Variants in LARP4B observed in about 807,000 individuals in gnomAD.
The protein encoded by LARP4B is la-related protein 4B.
Under a neutral mutation model 89.8 loss-of-function variants are expected in LARP4B, and 12 were observed. The ratio of observed to expected loss-of-function variants is 0.13; its 90% CI spans 0.09 to 0.22. LARP4B has a LOEUF of 0.22. Ranked by LOEUF, LARP4B falls within the 10% of genes least tolerant of loss-of-function variation. The pLI is 1.00. For synonymous variants in LARP4B, 367 were observed against 363.3 expected (o/e 1.01, Z -0.12); for missense variants, 757 against 947.7 (o/e 0.80, Z 2.64).
At chr10:911,075 G>A (rs1411616639) in intron 1 of LARP4B, among the ~76,000 whole-genome samples, 2 of 152,340 alleles carry the variant, frequency 1.3e-5, no homozygotes, top group East Asian at 3.9e-4. Context: ...GGATGTGTGT[G>A]CACTTAGGGG....
the LARP4B span, among the ~76,000 whole-genome samples, chr10:954,036 C>A: frequency 1.3e-5 from 2 of 152,212 alleles, no homozygotes; most frequent in Non-Finnish European, 2.9e-5. The surrounding 1 kb of genome is among the most constrained non-coding windows in gnomAD (Gnocchi z 5.0). Context: ...ATCCTGGAGT[C>A]CTGTCTGTGT....
upstream of LARP4B, among the ~76,000 whole-genome samples, chr10:934,453 G>T (rs543964411): frequency 6.6e-6 from 1 of 152,048 alleles, no homozygotes; most frequent in Non-Finnish European, 1.5e-5. Flanking sequence ...TTGTGCCACC[G>T]CATTCCAGCC....
chr10:899,870 CTTAA>C (rs1338571014), intron 1 of LARP4B, among the ~76,000 whole-genome samples: 1 of 151,936 alleles, frequency 6.6e-6, no homozygotes, highest in Non-Finnish European at 1.5e-5. Flanking sequence ...TAGAGATTGC[CTTAA>C]TTAAGTACTA....
the LARP4B span, among the ~76,000 whole-genome samples, chr10:955,130 T>G: frequency 1.3e-5 from 2 of 151,710 alleles, no homozygotes; most frequent in Admixed American, 1.3e-4. This position sits in a 1 kb window ranked among gnomAD's most constrained non-coding sequence, Gnocchi z 5.2. Flanking sequence ...ACAGCTCCCA[T>G]CCCACAGCCA....
chr10:836,603 C>G, intron 7 of LARP4B, 97 bp from the exon 8 acceptor site: 1 of 747,136 alleles, frequency 1.3e-6, no homozygotes, highest in Non-Finnish European at 2.2e-6. Flanking sequence ...ACTAAATAAG[C>G]TAAAGAAACC....
At chr10:825,669 C>A (rs920182818) in intron 12 of LARP4B, 95 bp downstream of exon 12, 6 of 790,386 alleles carry the variant, frequency 7.6e-6, no homozygotes, top group Non-Finnish European at 1.0e-5. Context: ...GCTCTGTCTG[C>A]GAGGAGCAGG....
chr10:975,316 G>A, the LARP4B span, among the ~76,000 whole-genome samples: 1 of 152,168 alleles, frequency 6.6e-6, no homozygotes, highest in Non-Finnish European at 1.5e-5. Flanking sequence ...TGCAGCAATA[G>A]TGACATGTTG....
At chr10:853,321 C>G (rs1159243384) in intron 5 of LARP4B, among the ~76,000 whole-genome samples, 2 of 152,136 alleles carry the variant, frequency 1.3e-5, no homozygotes, top group East Asian at 1.9e-4. Flanking sequence ...GTACACTAAA[C>G]TGTTGTATAT....
At chr10:902,293 C>T (rs1744885867) in intron 1 of LARP4B, among the ~76,000 whole-genome samples, 2 of 152,222 alleles carry the variant, frequency 1.3e-5, no homozygotes, top group Admixed American at 1.3e-4. Context: ...ACCAAATGCA[C>T]AGAACATTGT....
chr10:885,722 G>T lies in LARP4B; in HGVS notation c.-1C>A, dbSNP rs768255063. ...CCTTAGCGTCCTGATCAGAAGTCAT[G>T]GGCTCCACTGGGAGAAGTGTAATGC... On this transcript the variant is annotated 5_prime_UTR_variant, in exon 2 of 18. Coordinates refer to ENST00000316157, the MANE Select transcript of LARP4B (RefSeq NM_015155.3). The T allele has an allele frequency of 2.5e-6, 4 of 1,613,244 alleles. No homozygotes were observed. Among genetic ancestry groups the T allele is most frequent in the Non-Finnish European group, 3.4e-6 (4 of 1,179,352 alleles).
chr10:976,621 TG>T, the LARP4B span, among the ~76,000 whole-genome samples: 1 of 139,974 alleles, frequency 7.1e-6, no homozygotes, highest in Non-Finnish European at 1.6e-5. Flanking sequence ...CTTAGTAGAA[TG>T]TAGGCCTATC....
the LARP4B span, chr10:987,958 G>A: frequency 6.5e-6 from 1 of 152,680 alleles, no homozygotes; most frequent in African/African-American, 2.4e-5. Context: ...GCCGGGGTAG[G>A]GGCGTCATCT....
chr10:927,472 C>T (rs1179193943), intron 1 of LARP4B, among the ~76,000 whole-genome samples: 1 of 151,180 alleles, frequency 6.6e-6, no homozygotes, highest in Admixed American at 6.6e-5. Context: ...ATTCCATGTT[C>T]TAAAAAAGGA....
At chr10:913,747 A>T (rs1365494830) in intron 1 of LARP4B, among the ~76,000 whole-genome samples, 1 of 152,176 alleles carries the variant, frequency 6.6e-6, no homozygotes, top group Non-Finnish European at 1.5e-5. Flanking sequence ...CCTCTCTACC[A>T]AAAATACAAA....
the LARP4B span, among the ~76,000 whole-genome samples, chr10:947,449 A>G: frequency 1.3e-5 from 2 of 152,152 alleles, no homozygotes; most frequent in Non-Finnish European, 2.9e-5. Context: ...CACACCACGC[A>G]GTCCCAGAAA....
intron 12 of LARP4B, among the ~76,000 whole-genome samples, chr10:825,559 A>G (rs1434785050): frequency 6.6e-6 from 1 of 152,258 alleles, no homozygotes; most frequent in African/African-American, 2.4e-5. Context: ...CCTGATGTGT[A>G]CAAGTTGCCC....
At chr10:957,161 T>A in the LARP4B span, among the ~76,000 whole-genome samples, 10 of 152,138 alleles carry the variant, frequency 6.6e-5, no homozygotes, top group Non-Finnish European at 1.3e-4. Flanking sequence ...CTTATTTTTT[T>A]ACTTTTATTT....
intron 1 of LARP4B, among the ~76,000 whole-genome samples, chr10:908,155 C>T (rs1836546491): frequency 6.6e-6 from 1 of 152,144 alleles, no homozygotes; most frequent in East Asian, 1.9e-4. Context: ...TGCAGTGAGC[C>T]TGAGCCAAGA....
intron 1 of LARP4B, among the ~76,000 whole-genome samples, chr10:921,856 A>G (rs1024999442): frequency 3.9e-5 from 6 of 152,230 alleles, no homozygotes; most frequent in African/African-American, 1.4e-4. Context: ...AAGAGCAGGG[A>G]AAAACTGAAG....
Sources: gnomAD v4.1 joint callset for allele counts (sites outside exome capture counted in the v4.1 genomes callset) on GRCh38, gnomAD v4.1.1 for gene constraint, Gnocchi (gnomAD v3.1) non-coding constraint, MANE v1.5 for transcripts, NCBI Gene and HGNC (gene_info 2026-07-23, HGNC 2026-07-21) for gene names.